Variants in PLEKHA5 observed in about 807,000 individuals in gnomAD.
The protein encoded by PLEKHA5 is pleckstrin homology domain containing A5.
A neutral mutation model predicts 181.9 loss-of-function variants in PLEKHA5; 55 were observed. The ratio of observed to expected loss-of-function variants is 0.30; its 90% CI spans 0.24 to 0.38. The LOEUF (loss-of-function observed/expected upper bound fraction) is 0.38. Among genes scored for constraint, PLEKHA5 ranks in the 10% least tolerant of loss-of-function variants. The pLI is 1.00. For missense variants in PLEKHA5, 1,432 were observed against 1,549.5 expected (o/e 0.92, Z 1.27); for synonymous variants, 535 against 529.4 (o/e 1.01, Z -0.15).
At chr12:19,303,237 A>G (rs528321213) in intron 15 of PLEKHA5, among the ~76,000 whole-genome samples, 26 of 152,206 alleles carry the variant, frequency 1.7e-4, no homozygotes, top group South Asian at 6.2e-4. Flanking sequence ...TAAGAGAGCA[A>G]TTAAGCCACT....
chr12:19,334,797 C>A (rs2153109478), intron 20 of PLEKHA5, among the ~76,000 whole-genome samples: 1 of 85,144 alleles, frequency 1.2e-5, no homozygotes, highest in Non-Finnish European at 2.5e-5. Context: ...ACCTGGGCAA[C>A]ATGGCAAAAT....
intron 3 of PLEKHA5, among the ~76,000 whole-genome samples, chr12:19,169,150 T>C (rs2045297693): frequency 6.6e-6 from 1 of 152,196 alleles, no homozygotes; most frequent in Non-Finnish European, 1.5e-5. Context: ...TTAGCAGCTT[T>C]ACTAATATTG....
At chr12:19,361,822 A>G in intron 29 of PLEKHA5, 116 bp downstream of exon 29, 2 of 865,630 alleles carry the variant, frequency 2.3e-6, no homozygotes, top group Non-Finnish European at 3.7e-6. Context: ...CCTAGGAGCT[A>G]TAGAATCTTG....
intron 29 of PLEKHA5, among the ~76,000 whole-genome samples, chr12:19,361,962 G>C (rs2153233623): frequency 6.6e-6 from 1 of 152,056 alleles, no homozygotes; most frequent in Middle Eastern, 3.4e-3. Flanking sequence ...CCTGAGCCCA[G>C]GAATTCAAGA....
At chr12:19,137,586 A>T (rs967786900) in intron 3 of PLEKHA5, among the ~76,000 whole-genome samples, 4 of 152,188 alleles carry the variant, frequency 2.6e-5, no homozygotes, top group Admixed American at 2.6e-4. Context: ...AAACAGGGAG[A>T]TGGTTTGGGG....
At chr12:19,251,417 A>G (rs568590991) in intron 3 of PLEKHA5, among the ~76,000 whole-genome samples, 5 of 151,718 alleles carry the variant, frequency 3.3e-5, no homozygotes, top group South Asian at 4.2e-4. Context: ...AAAAAAAAAA[A>G]AAAAGAAAAG....
chr12:19,317,643 C>G (rs1162604716), intron 16 of PLEKHA5, among the ~76,000 whole-genome samples: 2 of 151,354 alleles, frequency 1.3e-5, no homozygotes, highest in Non-Finnish European at 2.9e-5. Flanking sequence ...GTCCACATAC[C>G]TAAGGGATAT....
At position 19,359,685 on chromosome 12, in the gene PLEKHA5, C is replaced by T. The variant is rs1374885943; in HGVS notation, c.3483+139C>T. The stretch of plus-strand genomic sequence containing the variant: ...TAAATGAAAAAATAAGCTTTCTGGC[C>T]GGGCGCGGTGGCTCACGTCTGTAAT... On this transcript the variant is annotated intron_variant, in intron 28 of 31. Coordinates refer to ENST00000429027, the MANE Select transcript of PLEKHA5 (RefSeq NM_001256470.2). 6.5e-5 allele frequency: 55 copies of T among 842,864 alleles called. 1 individual carries two copies. The highest frequency in any genetic ancestry group is 3.9e-4 in the South Asian group (21 of 54,454). The allele number at this position is 842,864 out of a possible 1,614,324, so 52.2% of individuals were successfully genotyped here. A position where few individuals can be genotyped will look rare whatever the true frequency, so the allele number is the denominator to read the frequency against.
In PLEKHA5 at chr12:19,225,238, A is replaced by G. The variant is rs956642126; in HGVS notation, c.228-28702A>G. On this transcript the variant is annotated intron_variant, in intron 3 of 31. Transcript: ENST00000429027. ...CCACAAAACTGCTCCTTTTTACTCC[A>G]TCTTTGGGGAGAGATGATAAACCAT... is the stretch of plus-strand genomic sequence containing the variant. 6.6e-5 allele frequency among the ~76,000 whole-genome samples: 10 copies of G among 152,206 alleles called. 1 individual carries two copies. The highest frequency in any genetic ancestry group is 3.4e-3 in the Middle Eastern group (1 of 294).
At chr12:19,250,674 A>G (rs1325891558) in intron 3 of PLEKHA5, among the ~76,000 whole-genome samples, 1 of 152,190 alleles carries the variant, frequency 6.6e-6, no homozygotes, top group Non-Finnish European at 1.5e-5. Context: ...TTTTTTAAAT[A>G]CTTTTTTTTA....
At chr12:19,225,840 G>T (rs1174003695) in intron 3 of PLEKHA5, among the ~76,000 whole-genome samples, 2 of 152,158 alleles carry the variant, frequency 1.3e-5, no homozygotes, top group African/African-American at 4.8e-5. Flanking sequence ...TTCTTAGAGG[G>T]CTGGAAGTAA....
chr12:19,319,393 C>T (rs991007343), intron 16 of PLEKHA5, among the ~76,000 whole-genome samples: 2 of 152,078 alleles, frequency 1.3e-5, no homozygotes, highest in Non-Finnish European at 2.9e-5. Flanking sequence ...TCCTGATTCC[C>T]ACATTTCTAG....
rs117151595 is a variant in PLEKHA5 at position 19,343,470 on chromosome 12, A to G, written c.2662+36A>G. Reference sequence around the variant, plus strand: ...TTTGCATTTTATTTTGTGACTGACCACAGTATTACAGTCATGTGTCGCTTG... The same window carrying G: ...TTTGCATTTTATTTTGTGACTGACCGCAGTATTACAGTCATGTGTCGCTTG... On this transcript the variant is annotated intron_variant, in intron 22 of 31. Transcript: ENST00000429027. The G allele has an allele frequency of 1.5e-3, 1,669 of 1,108,062 alleles. 24 individuals are homozygous for G. In the East Asian group the frequency reaches 0.027, roughly 18 times the overall value. The allele number at this position is 1,108,062 out of a possible 1,614,324, so 68.6% of individuals were successfully genotyped here.
chr12:19,334,829 A>AAAAAAAAAAAAAAATATAT, intron 20 of PLEKHA5, among the ~76,000 whole-genome samples: 3 of 18,604 alleles, frequency 1.6e-4, no homozygotes, highest in Non-Finnish European at 4.3e-4. Context: ...AAAAAAAAAA[A>AAAAAAAAAAAAAAATATAT]ATATATATAT....
In PLEKHA5 at chr12:19,257,507, G is replaced by A. The variant is rs756354823; in HGVS notation, c.507G>A (p.Pro169=). ...CAATTAAAAGGAATCCTAATGCACC[G>A]GTTGTCAGACGAGGTTGGCTTTATA... ...SNSIKRNPNA[P]VVRRGWLYKQ... Residue 169 remains proline, a synonymous_variant, in exon 6 of 32, where the codon CCG becomes CCA. Coordinates refer to ENST00000429027, the MANE Select transcript of PLEKHA5 (RefSeq NM_001256470.2). 10 of 1,602,786 alleles carry A rather than the reference G, an allele frequency of 6.2e-6. No homozygotes were observed. The highest frequency in any genetic ancestry group is 3.4e-5 in the South Asian group (3 of 88,536).
chr12:19,235,527 A>G (rs952854748), intron 3 of PLEKHA5, among the ~76,000 whole-genome samples: 2 of 152,292 alleles, frequency 1.3e-5, no homozygotes, highest in South Asian at 2.1e-4. Flanking sequence ...TAATTGCTTG[A>G]CATGGTTTTT....
At chr12:19,245,975 CTTTTT>C (rs765435105) in intron 3 of PLEKHA5, among the ~76,000 whole-genome samples, 2 of 136,988 alleles carry the variant, frequency 1.5e-5, no homozygotes, top group Admixed American at 1.5e-4. Flanking sequence ...CATTTACTGC[CTTTTT>C]TTTTTTTTTC....
chr12:19,292,262 C>T (rs1052487813), intron 15 of PLEKHA5, among the ~76,000 whole-genome samples: 3 of 152,082 alleles, frequency 2.0e-5, no homozygotes, highest in African/African-American at 4.8e-5. Flanking sequence ...AAAAATGAGC[C>T]GGGCGTCACA....
chr12:19,269,836 A>G lies in PLEKHA5; in HGVS notation c.778A>G (p.Met260Val). The change falls in exon 9 of 32, where the codon ATG (methionine) becomes GTG (valine). Residue 260 changes from methionine (M) to valine (V), a missense_variant. By Grantham distance (21) the Met-to-Val change is conservative. Around this residue, in one of 2 missense-constraint regions of PLEKHA5, gnomAD observed 289 missense variants for 381.1 expected, o/e 0.76. Coordinates refer to ENST00000429027, the MANE Select transcript of PLEKHA5 (RefSeq NM_001256470.2). ...TDTGKEMELWMKAMLDAALVQ... is the reference protein window; with the variant it reads ...TDTGKEMELWVKAMLDAALVQ... ...TACAGGAAAGGAAATGGAGTTGTGG[A>G]TGAAAGCCATGTTAGATGCTGCCCT... is the stretch of plus-strand genomic sequence containing the variant. The G allele has an allele frequency of 1.2e-6, 2 of 1,611,058 alleles. No individual in the cohort carries two copies. Among genetic ancestry groups the G allele is most frequent in the Non-Finnish European group, 1.7e-6 (2 of 1,177,256 alleles).
Sources: allele counts gnomAD v4.1 joint callset (sites outside exome capture counted in the v4.1 genomes callset), GRCh38; gene constraint gnomAD v4.1.1; regional missense constraint gnomAD v4.1.1; transcripts MANE v1.5; gene names NCBI Gene and HGNC (gene_info 2026-07-23, HGNC 2026-07-21).